Variants in PPFIA1 observed in about 807,000 individuals in gnomAD.
The protein encoded by PPFIA1 is liprin-alpha-1.
Under a neutral mutation model 149.9 loss-of-function variants are expected in PPFIA1, and 25 were observed. The observed-to-expected ratio is 0.17, with a 90% CI of 0.12 to 0.23. PPFIA1 has a LOEUF of 0.23. Among genes scored for constraint, PPFIA1 ranks in the 10% least tolerant of loss-of-function variants. PPFIA1 has a pLI of 1.00. For synonymous variants in PPFIA1, 549 were observed against 552.8 expected (o/e 0.99, Z 0.10); for missense variants, 1,362 against 1,506.5 (o/e 0.90, Z 1.59).
intron 3 of PPFIA1, 40 bp downstream of exon 3, chr11:70,324,543 C>T (rs1591211687): frequency 1.3e-6 from 2 of 1,505,418 alleles, no homozygotes; most frequent in African/African-American, 1.4e-5. Flanking sequence ...CCCCTGGAGC[C>T]ACTGTCAGGA....
chr11:70,329,222 A>G (rs2054509857), intron 7 of PPFIA1, among the ~76,000 whole-genome samples: 2 of 152,180 alleles, frequency 1.3e-5, no homozygotes, highest in South Asian at 4.1e-4. Flanking sequence ...CTTTGAGGAC[A>G]CTTTCACCTC....
chr11:70,381,952 C>A, intron 26 of PPFIA1, 136 bp from the exon 27 acceptor site: 1 of 682,084 alleles, frequency 1.5e-6, no homozygotes, highest in Admixed American at 2.2e-5. Context: ...CCCGCCCACT[C>A]AGGCAGCTCC....
intron 2 of PPFIA1, among the ~76,000 whole-genome samples, chr11:70,318,954 C>G (rs566583118): frequency 3.7e-4 from 57 of 152,372 alleles, no homozygotes; most frequent in South Asian, 2.1e-3. Context: ...CAGGGCCTCA[C>G]TGACTTGCAT....
At chr11:70,322,013 G>GCATGCACCAC (rs539057097) in intron 2 of PPFIA1, among the ~76,000 whole-genome samples, 3 of 152,142 alleles carry the variant, frequency 2.0e-5, no homozygotes, top group Non-Finnish European at 4.4e-5. Context: ...GGGATTACAG[G>GCATGCACCAC]CATGCACCAC....
chr11:70,306,758 C>T (rs562643313), intron 2 of PPFIA1, among the ~76,000 whole-genome samples: 8 of 152,170 alleles, frequency 5.3e-5, no homozygotes, highest in African/African-American at 1.7e-4. Flanking sequence ...GTCATTTATA[C>T]GTAATAAGAG....
At chr11:70,328,207 T>C (rs963040870) in intron 7 of PPFIA1, among the ~76,000 whole-genome samples, 1 of 152,208 alleles carries the variant, frequency 6.6e-6, no homozygotes, top group Non-Finnish European at 1.5e-5. Flanking sequence ...TTATTTTTCC[T>C]GATCCTCTTC....
chr11:70,346,630 A>G (rs1462060289), intron 15 of PPFIA1, among the ~76,000 whole-genome samples: 1 of 152,204 alleles, frequency 6.6e-6, no homozygotes, highest in African/African-American at 2.4e-5. Flanking sequence ...TGAAGCGTTC[A>G]GAAAGATCGT....
chr11:70,347,526 A>C (rs1203122020), intron 15 of PPFIA1, among the ~76,000 whole-genome samples: 1 of 152,062 alleles, frequency 6.6e-6, no homozygotes, highest in Non-Finnish European at 1.5e-5. Flanking sequence ...ACATAGGAAG[A>C]CCTTGTCTCT....
chr11:70,291,824 C>A (rs2051542853), intron 2 of PPFIA1, among the ~76,000 whole-genome samples: 1 of 148,520 alleles, frequency 6.7e-6, no homozygotes, highest in Non-Finnish European at 1.5e-5. Context: ...GCATGTGTCA[C>A]CACGCCTGGC....
intron 25 of PPFIA1, among the ~76,000 whole-genome samples, chr11:70,377,277 C>T (rs1363729771): frequency 6.6e-6 from 1 of 152,090 alleles, no homozygotes; most frequent in Non-Finnish European, 1.5e-5. Context: ...CCAGAGTGTA[C>T]CCCCATACTC....
chr11:70,343,388 T>C (rs1347345781), intron 14 of PPFIA1, among the ~76,000 whole-genome samples: 6 of 152,198 alleles, frequency 3.9e-5, no homozygotes, highest in African/African-American at 1.4e-4. Flanking sequence ...TGATTTTCGG[T>C]TTTTGTTTCT....
rs1331918852 is a variant in PPFIA1 at position 70,372,459 on chromosome 11, C to G, written c.3042-18C>G. 2.5e-6 allele frequency: 4 copies of G among 1,612,786 alleles called. No individual in the cohort carries two copies. In the East Asian group the frequency reaches 8.9e-5, roughly 36 times the overall value. On this transcript the variant is annotated intron_variant, in intron 22 of 27. Coordinates refer to ENST00000253925, the MANE Select transcript of PPFIA1 (RefSeq NM_003626.5). ...CACTGTTACCATCTCTAAATCATCT[C>G]TCTTTTCTTCCAAATAGAAACAGTT...
chr11:70,303,139 C>T (rs2052600527), intron 2 of PPFIA1, among the ~76,000 whole-genome samples: 1 of 152,162 alleles, frequency 6.6e-6, no homozygotes, highest in Admixed American at 6.5e-5. Context: ...GGCCAGCGTT[C>T]TCAGTTGGCG....
At chr11:70,285,695 AC>A (rs2051065856) in intron 2 of PPFIA1, among the ~76,000 whole-genome samples, 2 of 149,680 alleles carry the variant, frequency 1.3e-5, no homozygotes, top group South Asian at 2.1e-4. Flanking sequence ...AAAAAAAAAA[AC>A]CTCTTAACAT....
chr11:70,310,935 G>A (rs1372851108), intron 2 of PPFIA1, among the ~76,000 whole-genome samples: 1 of 152,108 alleles, frequency 6.6e-6, no homozygotes, highest in Non-Finnish European at 1.5e-5. Flanking sequence ...TCTTAGGAGC[G>A]CTCAAGGTTG....
At chr11:70,342,664 AT>A (rs1156703175) in intron 14 of PPFIA1, among the ~76,000 whole-genome samples, 1 of 152,142 alleles carries the variant, frequency 6.6e-6, no homozygotes, top group Non-Finnish European at 1.5e-5. Context: ...GAAAACACTT[AT>A]GAAATTTACG....
intron 21 of PPFIA1, among the ~76,000 whole-genome samples, chr11:70,370,752 C>G (rs2057192000): frequency 6.6e-6 from 1 of 152,076 alleles, no homozygotes; most frequent in Non-Finnish European, 1.5e-5. Context: ...ATTGATAATC[C>G]TTTGTCGTGA....
At position 70,356,139 on chromosome 11, in the gene PPFIA1, G is replaced by C. The variant is rs759662830; in HGVS notation, c.2489-22G>C. ...CTTTGTCATGCTGATTTTTACTTCT[G>C]GGCTGTTCTGCTTCCTCACAGCTGG... On this transcript the variant is annotated intron_variant, in intron 18 of 27. Coordinates refer to ENST00000253925, the MANE Select transcript of PPFIA1 (RefSeq NM_003626.5). 3 of 1,578,370 alleles carry C rather than the reference G, an allele frequency of 1.9e-6. No individual in the cohort carries two copies. In the Admixed American group the frequency reaches 5.0e-5, roughly 26 times the overall value.
intron 2 of PPFIA1, among the ~76,000 whole-genome samples, chr11:70,297,618 C>T (rs1217549322): frequency 6.6e-6 from 1 of 152,116 alleles, no homozygotes; most frequent in African/African-American, 2.4e-5. Context: ...AGTCAAAGGG[C>T]TTGTTACACA....
Sources: allele counts gnomAD v4.1 joint callset (sites outside exome capture counted in the v4.1 genomes callset), GRCh38; gene constraint gnomAD v4.1.1; transcripts MANE v1.5; gene names NCBI Gene and HGNC (gene_info 2026-07-23, HGNC 2026-07-21).